Variants in PBX3 observed in about 807,000 individuals in gnomAD.
PBX3 encodes pre-B-cell leukemia transcription factor 3.
PBX3 carries 14 observed loss-of-function variants against 48.5 expected under a neutral mutation model. The ratio of observed to expected loss-of-function variants is 0.29; its 90% CI spans 0.19 to 0.45. PBX3 has a LOEUF of 0.45. Among genes scored for constraint, PBX3 ranks in the 20% least tolerant of loss-of-function variants. The probability of loss-of-function intolerance (pLI) is 1.00; values close to 1 mark genes in which losing one functional copy is unlikely to be tolerated. For synonymous variants in PBX3, 210 were observed against 200.3 expected (o/e 1.05, Z -0.41); for missense variants, 386 against 546.7 (o/e 0.71, Z 2.93).
At chr9:125,835,825 T>C (rs1839117637) in intron 2 of PBX3, among the ~76,000 whole-genome samples, 1 of 152,144 alleles carries the variant, frequency 6.6e-6, no homozygotes, top group African/African-American at 2.4e-5. Flanking sequence ...AACTATGATA[T>C]GATCTGGTAA....
At chr9:125,896,768 T>C (rs978194787) in intron 2 of PBX3, among the ~76,000 whole-genome samples, 4 of 152,022 alleles carry the variant, frequency 2.6e-5, no homozygotes, top group Admixed American at 2.6e-4. Context: ...TGCTGTTGTG[T>C]CAGCAGAGAA....
intron 3 of PBX3, among the ~76,000 whole-genome samples, chr9:125,917,764 T>TA (rs1296459003): frequency 6.6e-6 from 1 of 152,212 alleles, no homozygotes; most frequent in Non-Finnish European, 1.5e-5. Context: ...AGCTTTAAGT[T>TA]AAAAAGTAGT....
At chr9:125,804,816 G>A (rs906359772) in intron 2 of PBX3, among the ~76,000 whole-genome samples, 1 of 151,776 alleles carries the variant, frequency 6.6e-6, no homozygotes, top group African/African-American at 2.4e-5. Flanking sequence ...GCGGGGTGGC[G>A]GGTACCTGTA....
intron 2 of PBX3, among the ~76,000 whole-genome samples, chr9:125,895,376 A>G (rs1840745546): frequency 6.6e-6 from 1 of 152,130 alleles, no homozygotes. Context: ...GTAGCACACA[A>G]TTGATATACA....
intron 2 of PBX3, among the ~76,000 whole-genome samples, chr9:125,772,728 T>G (rs1836972019): frequency 6.6e-6 from 1 of 152,168 alleles, no homozygotes; most frequent in Non-Finnish European, 1.5e-5. Flanking sequence ...GCTTAATAAA[T>G]TGCAGCTATT....
At chr9:125,940,400 C>T (rs1052339035) in intron 5 of PBX3, among the ~76,000 whole-genome samples, 8 of 152,118 alleles carry the variant, frequency 5.3e-5, no homozygotes, top group African/African-American at 1.4e-4. Flanking sequence ...TGTTTCCATT[C>T]GTTTAATAAA....
chr9:125,928,381 AG>A (rs1841628840), intron 3 of PBX3, among the ~76,000 whole-genome samples: 2 of 138,088 alleles, frequency 1.4e-5, no homozygotes, highest in South Asian at 4.8e-4. Flanking sequence ...TCTGAATATT[AG>A]GGGAAACAAA....
intron 2 of PBX3, among the ~76,000 whole-genome samples, chr9:125,773,917 A>G (rs149205909): frequency 5.1e-4 from 77 of 152,364 alleles, no homozygotes; most frequent in South Asian, 1.4e-3. Context: ...CATTTAGTAC[A>G]TTCACATTGT....
chr9:125,964,462 G>C (rs1262154023), intron 8 of PBX3, among the ~76,000 whole-genome samples: 1 of 151,430 alleles, frequency 6.6e-6, no homozygotes, highest in South Asian at 2.1e-4. Context: ...ACATGGGCAT[G>C]TCATTAGCCA....
At chr9:125,775,244 T>G (rs1837041676) in intron 2 of PBX3, among the ~76,000 whole-genome samples, 1 of 152,250 alleles carries the variant, frequency 6.6e-6, no homozygotes, top group African/African-American at 2.4e-5. Context: ...AATTGATATC[T>G]CACTGTGGTT....
intron 5 of PBX3, among the ~76,000 whole-genome samples, chr9:125,943,226 C>G (rs2132551577): frequency 6.6e-6 from 1 of 151,682 alleles, no homozygotes; most frequent in South Asian, 2.1e-4. Flanking sequence ...CGTGGTGGCA[C>G]ACGCCTGTAG....
chr9:125,899,321 T>TATATAAATATACATATATGTATATATTTA lies in PBX3; in HGVS notation c.275-16365_275-16364insATATAAATATACATATATGTATATATTTA, dbSNP rs1564163366. Among the ~76,000 whole-genome samples, 37 of 104,314 alleles carry TATATAAATATACATATATGTATATATTTA rather than the reference T, an allele frequency of 3.5e-4. 2 individuals are homozygous for TATATAAATATACATATATGTATATATTTA. The highest frequency in any genetic ancestry group is 1.6e-3 in the African/African-American group (33 of 20,714). 68.4% of individuals were successfully genotyped at this position (104,314 alleles called of 152,430 possible). On this transcript the variant is annotated intron_variant, in intron 2 of 8. Coordinates refer to ENST00000373489, the MANE Select transcript of PBX3 (RefSeq NM_006195.6). ...TAAATATACATATATGTATATATTT[T>TATATAAATATACATATATGTATATATTTA]TATATAAATATATACATATATGTAT... is the stretch of plus-strand genomic sequence containing the variant.
intron 2 of PBX3, among the ~76,000 whole-genome samples, chr9:125,900,264 A>G (rs1427950914): frequency 2.5e-5 from 3 of 119,962 alleles, no homozygotes; most frequent in African/African-American, 9.6e-5. Flanking sequence ...ACACTTTACC[A>G]TTTTTGCTGC....
chr9:125,878,785 A>G (rs970176739), intron 2 of PBX3, among the ~76,000 whole-genome samples: 1 of 152,232 alleles, frequency 6.6e-6, no homozygotes, highest in Non-Finnish European at 1.5e-5. Context: ...AAAACCTCAC[A>G]CTAAGTTACA....
At position 125,759,166 on chromosome 9, in the gene PBX3, G is replaced by A. The variant is rs1036825518; in HGVS notation, c.274+10543G>A. On this transcript the variant is annotated intron_variant, in intron 2 of 8. Transcript: ENST00000373489. The surrounding 1 kb of genome is among the most constrained non-coding windows in gnomAD (Gnocchi z 4.2). Reference sequence around the variant, plus strand: ...TGACACTGAGTGGCAGCAGAGCTGTGGTCAGCACTAGTGTAAATATTTGTA... The same window carrying A: ...TGACACTGAGTGGCAGCAGAGCTGTAGTCAGCACTAGTGTAAATATTTGTA... 1.3e-5 allele frequency among the ~76,000 whole-genome samples: 2 copies of A among 152,158 alleles called. No homozygotes were observed. The highest frequency in any genetic ancestry group is 2.1e-4 in the South Asian group (1 of 4,828).
chr9:125,819,403 G>A (rs1033614949), intron 2 of PBX3, among the ~76,000 whole-genome samples: 2 of 151,792 alleles, frequency 1.3e-5, no homozygotes, highest in Non-Finnish European at 2.9e-5. Context: ...GTTCATGCCT[G>A]TAATCCCAGC....
intron 2 of PBX3, among the ~76,000 whole-genome samples, chr9:125,908,865 C>T (rs1841137736): frequency 6.6e-6 from 1 of 152,002 alleles, no homozygotes; most frequent in African/African-American, 2.4e-5. Context: ...TGGCCGTTTC[C>T]TTTTTTCCCA....
intron 5 of PBX3, among the ~76,000 whole-genome samples, chr9:125,937,472 G>A (rs992614865): frequency 6.6e-6 from 1 of 152,036 alleles, no homozygotes; most frequent in Non-Finnish European, 1.5e-5. Context: ...TACAGAGGTA[G>A]AAATAATATA....
At chr9:125,775,193 C>G (rs984406401) in intron 2 of PBX3, among the ~76,000 whole-genome samples, 1 of 152,136 alleles carries the variant, frequency 6.6e-6, no homozygotes, top group Admixed American at 6.6e-5. Flanking sequence ...CTTATCAACA[C>G]TTATTATTTT....
Sources: gnomAD v4.1 joint callset for allele counts (sites outside exome capture counted in the v4.1 genomes callset) on GRCh38, gnomAD v4.1.1 for gene constraint, Gnocchi (gnomAD v3.1) non-coding constraint, MANE v1.5 for transcripts, NCBI Gene and HGNC (gene_info 2026-07-23, HGNC 2026-07-21) for gene names.